The following SP140L variants were observed in gnomAD, a reference collection of about 807,000 sequenced individuals.
SP140L encodes the protein nuclear body protein SP140-like protein.
A neutral mutation model predicts 84.3 loss-of-function variants in SP140L; 64 were observed. The observed-to-expected ratio is 0.76, with a 90% CI of 0.62 to 0.94. SP140L has a LOEUF of 0.94. SP140L is among the 40% of genes least tolerant of loss of function. The probability of loss-of-function intolerance (pLI) is 0.00; values close to 1 mark genes in which losing one functional copy is unlikely to be tolerated. For synonymous variants in SP140L, 242 were observed against 236.9 expected, an observed-to-expected ratio of 1.02 and a Z score of -0.20; for missense variants, 628 against 692.5, an observed-to-expected ratio of 0.91 and a Z score of 1.05.
chr2:230,393,636 G>T (rs569717355), intron 13 of SP140L, among the ~76,000 whole-genome samples, 175 bp downstream of exon 13: 1 of 152,164 alleles, frequency 6.6e-6, no homozygotes, highest in African/African-American at 2.4e-5. Context: ...TGAATACTTT[G>T]TGTATATAAA....
At chr2:230,347,101 C>G (rs1240421110) in intron 2 of SP140L, among the ~76,000 whole-genome samples, 1 of 152,160 alleles carries the variant, frequency 6.6e-6, no homozygotes, top group African/African-American at 2.4e-5. Flanking sequence ...TGAATAGTCA[C>G]AGTTTGCTTT....
In SP140L at chr2:230,402,895, G is replaced by A; in HGVS notation, c.1742G>A (p.Ter581=). Residue 581 remains the stop codon, a stop_retained_variant, in exon 19 of 19, where the codon TGA becomes TAA. Transcript: ENST00000415673. ...ATTCAGGAAACAAATGGGAACAGTT[G>A]ACTGGTTTAGTGGATGCTGAAGGCC... ...FAIQETNGNS[*] The A allele has an allele frequency of 6.2e-7, 1 of 1,610,088 alleles. No homozygotes were observed. Among genetic ancestry groups the A allele is most frequent in the East Asian group, 2.2e-5 (1 of 44,652 alleles).
intron 4 of SP140L, among the ~76,000 whole-genome samples, chr2:230,361,135 A>G (rs1407412489): frequency 6.6e-6 from 1 of 152,046 alleles, no homozygotes. Context: ...AATTTTTTTC[A>G]GACACAAGGT....
At chr2:230,369,011 C>T (rs1227053660) in intron 5 of SP140L, among the ~76,000 whole-genome samples, 2 of 152,176 alleles carry the variant, frequency 1.3e-5, no homozygotes, top group Admixed American at 6.5e-5. Flanking sequence ...TGTTATGTCT[C>T]TTTGGCTTTT....
At chr2:230,363,169 T>C (rs968474574) in intron 5 of SP140L, among the ~76,000 whole-genome samples, 1 of 152,242 alleles carries the variant, frequency 6.6e-6, no homozygotes, top group Non-Finnish European at 1.5e-5. Context: ...ATTTATCCTT[T>C]GGATATATAT....
intron 7 of SP140L, among the ~76,000 whole-genome samples, chr2:230,379,101 A>G (rs980019794): frequency 6.6e-6 from 1 of 152,048 alleles, no homozygotes; most frequent in Non-Finnish European, 1.5e-5. Context: ...TTTTCACTCA[A>G]TTTATGTTAA....
chr2:230,353,166 T>C (rs2060416743), intron 2 of SP140L, among the ~76,000 whole-genome samples: 1 of 152,106 alleles, frequency 6.6e-6, no homozygotes, highest in African/African-American at 2.4e-5. Context: ...ATTACCTTTC[T>C]CTTTCTTTCT....
rs745598836 is a variant in SP140L, at chr2:230,392,078, G to A, written c.965-9G>A. 2.2e-5 allele frequency: 36 copies of A among 1,613,664 alleles called. No individual in the cohort carries two copies. In the Admixed American group the frequency reaches 5.8e-4, roughly 26 times the overall value. ...GAGGGCTCAGGATCAAGTTACCCTG[G>A]TCTTACAGGAACCTTGGCAAAGTGT... On this transcript the variant is annotated splice_polypyrimidine_tract_variant and intron_variant, in intron 11 of 18. Transcript: ENST00000415673.
intron 7 of SP140L, among the ~76,000 whole-genome samples, chr2:230,374,359 C>T (rs2061178922): frequency 6.6e-6 from 1 of 151,306 alleles, no homozygotes; most frequent in African/African-American, 2.4e-5. Context: ...GTGACTGAAT[C>T]GCTGTGATCT....
chr2:230,338,886 G>A (rs886922585), intron 2 of SP140L, among the ~76,000 whole-genome samples: 1 of 142,872 alleles, frequency 7.0e-6, no homozygotes, highest in African/African-American at 2.7e-5. Flanking sequence ...TGTGCTGCTG[G>A]ATTCGTTTTG....
At chr2:230,357,597 C>G (rs2060586209) in intron 2 of SP140L, among the ~76,000 whole-genome samples, 1 of 152,084 alleles carries the variant, frequency 6.6e-6, no homozygotes, top group Non-Finnish European at 1.5e-5. Context: ...TCAGTGCCCT[C>G]TATATTAGTC....
At chr2:230,339,562 T>G (rs1205427433) in intron 2 of SP140L, among the ~76,000 whole-genome samples, 1 of 150,410 alleles carries the variant, frequency 6.6e-6, no homozygotes, top group African/African-American at 2.4e-5. Flanking sequence ...TGCTCTTGCT[T>G]TTCTAGTTCT....
At chr2:230,344,313 G>C (rs1009894447) in intron 2 of SP140L, among the ~76,000 whole-genome samples, 1 of 152,148 alleles carries the variant, frequency 6.6e-6, no homozygotes, top group Non-Finnish European at 1.5e-5. Flanking sequence ...TTTAAAGTCT[G>C]TTCTGTCAGA....
chr2:230,333,108 T>C (rs1260395300), intron 2 of SP140L, among the ~76,000 whole-genome samples: 1 of 152,132 alleles, frequency 6.6e-6, no homozygotes, highest in Non-Finnish European at 1.5e-5. Flanking sequence ...GAAATTAATT[T>C]GGTTAACTGC....
At position 230,349,568 on chromosome 2, in the gene SP140L, T is replaced by G. The variant is rs1351070005; in HGVS notation, c.108-8237T>G. On this transcript the variant is annotated intron_variant, in intron 2 of 18. Coordinates refer to ENST00000415673, the MANE Select transcript of SP140L (RefSeq NM_138402.6). ...TTTGTCATTTTCAGCATACAAGTCTTGCATTCTGTTTGTTCATTCCTAAAT... is the reference window on the plus strand; with the variant it reads ...TTTGTCATTTTCAGCATACAAGTCTGGCATTCTGTTTGTTCATTCCTAAAT... Among the ~76,000 whole-genome samples, 4 of 152,236 alleles carry G rather than the reference T, an allele frequency of 2.6e-5. No individual in the cohort carries two copies. The East Asian group carries it at 7.7e-4, about 29-fold the overall frequency.
intron 7 of SP140L, among the ~76,000 whole-genome samples, chr2:230,375,186 G>A (rs1375468943): frequency 6.6e-6 from 1 of 152,148 alleles, no homozygotes; most frequent in Non-Finnish European, 1.5e-5. Context: ...GATGTGAGAT[G>A]ATAATTAAGA....
chr2:230,371,363 G>A (rs949943731), intron 6 of SP140L, among the ~76,000 whole-genome samples: 1 of 152,150 alleles, frequency 6.6e-6, no homozygotes, highest in Non-Finnish European at 1.5e-5. Context: ...AATTGTCAGG[G>A]GGGAAGACTG....
chr2:230,359,910 G>A (rs1397966994), intron 4 of SP140L, among the ~76,000 whole-genome samples: 2 of 151,952 alleles, frequency 1.3e-5, no homozygotes, highest in South Asian at 2.1e-4. Context: ...GCTCGGACAG[G>A]GACTATACCA....
intron 2 of SP140L, among the ~76,000 whole-genome samples, chr2:230,355,787 A>G (rs969828319): frequency 2.0e-5 from 3 of 152,170 alleles, no homozygotes; most frequent in South Asian, 2.1e-4. Context: ...TTAGTACACT[A>G]AAGTCATTAA....
Sources: allele counts gnomAD v4.1 joint callset (sites outside exome capture counted in the v4.1 genomes callset), GRCh38; gene constraint gnomAD v4.1.1; transcripts MANE v1.5; gene names NCBI Gene and HGNC (gene_info 2026-07-23, HGNC 2026-07-21).